Variants in LRRN1 observed in about 807,000 individuals in gnomAD.
LRRN1 encodes the protein leucine-rich repeat neuronal protein 1.
In LRRN1, 14 loss-of-function variants were observed where a neutral mutation model predicts 45.8. The ratio of observed to expected loss-of-function variants is 0.31; its 90% CI spans 0.20 to 0.48. The LOEUF is 0.48. Ranked by LOEUF, LRRN1 falls within the 20% of genes least tolerant of loss-of-function variation. The pLI, the probability that LRRN1 is intolerant of heterozygous loss-of-function variation, is 0.99. For missense variants in LRRN1, 789 were observed against 874.2 expected (o/e 0.90, Z 1.23); for synonymous variants, 359 against 330.1 (o/e 1.09, Z -0.95).
At chr3:3,837,344 T>TA in intron 1 of LRRN1, among the ~76,000 whole-genome samples, 1 of 151,974 alleles carries the variant, frequency 6.6e-6, no homozygotes, top group African/African-American at 2.4e-5. Flanking sequence ...CCCCCCCCAT[T>TA]TTATAACCCC....
At chr3:3,813,004 A>G (rs1692911691) in intron 1 of LRRN1, among the ~76,000 whole-genome samples, 1 of 152,126 alleles carries the variant, frequency 6.6e-6, no homozygotes. Flanking sequence ...TCTCATTATG[A>G]TACTTGCTAA....
chr3:3,836,481 A>G (rs2106467087), intron 1 of LRRN1, among the ~76,000 whole-genome samples: 1 of 152,340 alleles, frequency 6.6e-6, no homozygotes, highest in East Asian at 1.9e-4. Flanking sequence ...CTCAAGATTC[A>G]TCCGTGTTGT....
In LRRN1 at chr3:3,845,795, A is replaced by G. The variant is rs778793909; in HGVS notation, c.1154A>G (p.Asn385Ser). The change falls in exon 2 of 2, where the codon AAC (asparagine) becomes AGC (serine). Residue 385 changes from asparagine to serine, a missense_variant. Transcript: ENST00000319331. This position sits in a 1 kb window ranked among gnomAD's most constrained non-coding sequence, Gnocchi z 6.5. ...CDCVIHWINS[N>S]KTNIRFMEPL... Reference sequence around the variant, plus strand: ...TGTGTGATCCACTGGATTAACTCCAACAAAACCAACATCCGCTTCATGGAG... The same window carrying G: ...TGTGTGATCCACTGGATTAACTCCAGCAAAACCAACATCCGCTTCATGGAG... 1 of 1,614,152 alleles carries G rather than the reference A, an allele frequency of 6.2e-7. No homozygotes were observed. The highest frequency in any genetic ancestry group is 1.1e-5 in the South Asian group (1 of 91,076).
chr3:3,807,007 C>T lies in LRRN1; in HGVS notation c.-279+7088C>T, dbSNP rs1692775534. On this transcript the variant is annotated intron_variant, in intron 1 of 1. Coordinates refer to ENST00000319331, the MANE Select transcript of LRRN1 (RefSeq NM_020873.7). ...GTGTCTTCCACTCAGATGGTAGCAG[C>T]TTCCTAGACCGTGGAGTCCTAACAG... Among the ~76,000 whole-genome samples, 4 of 152,206 alleles carry T rather than the reference C, an allele frequency of 2.6e-5. No individual in the cohort carries two copies. In the South Asian group the frequency reaches 8.3e-4, roughly 32 times the overall value.
chr3:3,845,237 G>C lies in LRRN1; in HGVS notation c.596G>C (p.Gly199Ala). ...CCCAACCTGGAAATTCTCATGATCG[G>C]AGAAAACCCTGTGATTGGAATTCTG... ...STPNLEILMI[G>A]ENPVIGILDM... is the part of the protein sequence containing the mutation. The change falls in exon 2 of 2, where the codon GGA becomes GCA. Residue 199 changes from glycine to alanine, a missense_variant. Transcript: ENST00000319331. This position sits in a 1 kb window ranked among gnomAD's most constrained non-coding sequence, Gnocchi z 6.5. 1 of 1,614,158 alleles carries C rather than the reference G, an allele frequency of 6.2e-7. No homozygotes were observed. Among genetic ancestry groups the C allele is most frequent in the African/African-American group, 1.3e-5 (1 of 75,038 alleles).
In LRRN1 at chr3:3,847,383, CT is replaced by C. The variant is rs34173470; in HGVS notation, c.*605del. Reference sequence around the variant, plus strand: ...AAACAATGAATTTTCTTTTTCTTTCCTTTTTTTTTTTTTTGTTGTAATAGTT... The same window carrying C: ...AAACAATGAATTTTCTTTTTCTTTCCTTTTTTTTTTTTTGTTGTAATAGTT... On this transcript the variant is annotated 3_prime_UTR_variant, in exon 2 of 2. Transcript: ENST00000319331. 107,106 of 153,450 alleles carry C rather than the reference CT, an allele frequency of 0.7. 37,619 individuals carry two copies. The highest frequency in any genetic ancestry group is 0.84 in the Middle Eastern group (236 of 280). 9.5% of individuals were successfully genotyped at this position (153,450 alleles called of 1,614,324 possible). A position where few individuals can be genotyped will look rare whatever the true frequency, so the allele number is the denominator to read the frequency against.
chr3:3,836,462 C>T (rs1384831936), intron 1 of LRRN1, among the ~76,000 whole-genome samples: 2 of 152,196 alleles, frequency 1.3e-5, no homozygotes, highest in African/African-American at 4.8e-5. Context: ...TGGCTTATTT[C>T]ATAATGTCCT....
chr3:3,804,254 T>C (rs1692712148), intron 1 of LRRN1: 1 of 152,196 alleles, frequency 6.6e-6, no homozygotes, highest in African/African-American at 2.4e-5. Flanking sequence ...TTCAATTTTG[T>C]CATGTATAAC....
At chr3:3,831,155 CT>C (rs1693364599) in intron 1 of LRRN1, among the ~76,000 whole-genome samples, 1 of 152,180 alleles carries the variant, frequency 6.6e-6, no homozygotes, top group Non-Finnish European at 1.5e-5. Context: ...TCTCAGTTCA[CT>C]TGATAAATGG....
At position 3,816,866 on chromosome 3, in the gene LRRN1, C is replaced by T. The variant is rs1028229669; in HGVS notation, c.-279+16947C>T. Among the ~76,000 whole-genome samples the T allele has an allele frequency of 1.3e-5, 2 of 152,188 alleles. No individual in the cohort carries two copies. The highest frequency in any genetic ancestry group is 4.8e-5 in the African/African-American group (2 of 41,432). ...CCCTGTGCAACGAACTTGACTTTAA[C>T]TTCAGCTGGTTCACTTATAGCTGCG... On this transcript the variant is annotated intron_variant, in intron 1 of 1. Coordinates refer to ENST00000319331, the MANE Select transcript of LRRN1 (RefSeq NM_020873.7). This position sits in a 1 kb window ranked among gnomAD's most constrained non-coding sequence, Gnocchi z 4.0.
At chr3:3,821,708 T>G (rs150062871) in intron 1 of LRRN1, among the ~76,000 whole-genome samples, 4 of 152,302 alleles carry the variant, frequency 2.6e-5, no homozygotes, top group African/African-American at 7.2e-5. Flanking sequence ...TCACAAACAG[T>G]AGGATGGATT....
At chr3:3,802,344 C>T (rs1692672079) in intron 1 of LRRN1, among the ~76,000 whole-genome samples, 1 of 152,206 alleles carries the variant, frequency 6.6e-6, no homozygotes, top group African/African-American at 2.4e-5. Flanking sequence ...CCCCAGTGGC[C>T]TCTTCTTTTG....
intron 1 of LRRN1, among the ~76,000 whole-genome samples, chr3:3,836,103 C>T (rs1693505716): frequency 6.6e-6 from 1 of 151,472 alleles, no homozygotes. Context: ...AAAAAAAAAT[C>T]TATTCCAGCC....
chr3:3,812,758 C>T (rs1389809803), intron 1 of LRRN1, among the ~76,000 whole-genome samples: 2 of 150,354 alleles, frequency 1.3e-5, no homozygotes, highest in African/African-American at 2.5e-5. Flanking sequence ...AAAGTTTCTC[C>T]TCCATTTCTG....
At chr3:3,839,424 G>T (rs1226789577) in intron 1 of LRRN1, among the ~76,000 whole-genome samples, 2 of 152,132 alleles carry the variant, frequency 1.3e-5, no homozygotes, top group African/African-American at 4.8e-5. Flanking sequence ...ATCAAGAAGT[G>T]TGAAGTCTCC....
chr3:3,838,294 A>C (rs901532313), intron 1 of LRRN1, among the ~76,000 whole-genome samples: 3 of 152,198 alleles, frequency 2.0e-5, no homozygotes, highest in Admixed American at 6.5e-5. Context: ...AAACTATAAA[A>C]ACCCTAGAAG....
chr3:3,837,904 GC>G (rs1338299365), intron 1 of LRRN1, among the ~76,000 whole-genome samples: 2 of 151,670 alleles, frequency 1.3e-5, no homozygotes, highest in Non-Finnish European at 2.9e-5. Flanking sequence ...CACCCAACAA[GC>G]CCTGTGTGTG....
intron 1 of LRRN1, among the ~76,000 whole-genome samples, chr3:3,819,488 A>T (rs1170725169): frequency 6.6e-6 from 1 of 151,876 alleles, no homozygotes; most frequent in Non-Finnish European, 1.5e-5. Context: ...CTTGCCTCTT[A>T]GCTTCTGGGG....
intron 1 of LRRN1, among the ~76,000 whole-genome samples, chr3:3,805,818 T>G (rs2106450045): frequency 6.6e-6 from 1 of 152,304 alleles, no homozygotes. Context: ...TCATTAAACA[T>G]TTGTTCACCT....
Sources: gnomAD v4.1 joint callset for allele counts (sites outside exome capture counted in the v4.1 genomes callset) on GRCh38, gnomAD v4.1.1 for gene constraint, Gnocchi (gnomAD v3.1) non-coding constraint, MANE v1.5 for transcripts, NCBI Gene and HGNC (gene_info 2026-07-23, HGNC 2026-07-21) for gene names.